The following OPCML variants were observed in gnomAD, a reference collection of about 807,000 sequenced individuals.
OPCML encodes opioid-binding protein/cell adhesion molecule.
Under a neutral mutation model 37.8 loss-of-function variants are expected in OPCML, and 13 were observed. The ratio of observed to expected loss-of-function variants is 0.34; its 90% CI spans 0.22 to 0.55. The LOEUF (loss-of-function observed/expected upper bound fraction) is 0.55, where lower values mean the gene tolerates loss of function less well. OPCML is among the 20% of genes least tolerant of loss of function. The pLI is 0.91. For synonymous variants in OPCML, 176 were observed against 168.8 expected, an observed-to-expected ratio of 1.04 and a Z score of -0.33; for missense variants, 341 against 435.6, an observed-to-expected ratio of 0.78 and a Z score of 1.93.
intron 2 of OPCML, among the ~76,000 whole-genome samples, chr11:132,885,556 C>T (rs762405770): frequency 2.0e-5 from 3 of 152,142 alleles, no homozygotes; most frequent in East Asian, 3.9e-4. Flanking sequence ...TTGTGAATGA[C>T]ACCTTGGACT....
At chr11:132,991,993 T>C (rs1265206658) in intron 1 of OPCML, among the ~76,000 whole-genome samples, 1 of 149,490 alleles carries the variant, frequency 6.7e-6, no homozygotes, top group East Asian at 2.0e-4. Context: ...CAAGGCAAAA[T>C]ACATTGTGGA....
intron 1 of OPCML, among the ~76,000 whole-genome samples, chr11:133,120,055 A>G (rs1949397110): frequency 6.6e-6 from 1 of 152,166 alleles, no homozygotes; most frequent in African/African-American, 2.4e-5. Flanking sequence ...CAAAGACAGC[A>G]GAATCACCAG....
chr11:133,138,897 T>C (rs906394657), intron 1 of OPCML, among the ~76,000 whole-genome samples: 1 of 152,142 alleles, frequency 6.6e-6, no homozygotes, highest in Non-Finnish European at 1.5e-5. Context: ...AAGTCTATTC[T>C]CCATTCATAA....
chr11:133,381,943 A>G (rs1944938933), intron 1 of OPCML, among the ~76,000 whole-genome samples: 4 of 152,202 alleles, frequency 2.6e-5, no homozygotes, highest in African/African-American at 7.2e-5. Flanking sequence ...CCAGCCTGGC[A>G]TGGGAGCCCA....
intron 2 of OPCML, among the ~76,000 whole-genome samples, chr11:132,937,959 T>C (rs1334665471): frequency 6.6e-6 from 1 of 151,864 alleles, no homozygotes; most frequent in Non-Finnish European, 1.5e-5. Flanking sequence ...ACTGCCATCA[T>C]TGGTGGATTC....
rs1158521510 is a variant in OPCML, at chr11:133,425,474, T to A, written c.61+106790A>T. On this transcript the variant is annotated intron_variant, in intron 1 of 7. Transcript: ENST00000524381. ...GCTTTGTCTTCATTATAGCATTCCA[T>A]CCCTACAACAGCCCTGTTAGTTGAG... Among the ~76,000 whole-genome samples the A allele has an allele frequency of 2.6e-5, 4 of 152,348 alleles. No individual in the cohort carries two copies. The South Asian group carries it at 6.2e-4, about 24-fold the overall frequency.
chr11:132,652,881 C>T (rs1198816384), intron 3 of OPCML, among the ~76,000 whole-genome samples: 1 of 152,212 alleles, frequency 6.6e-6, no homozygotes, highest in Non-Finnish European at 1.5e-5. Flanking sequence ...GTAGCAACAT[C>T]AATCTGCTTC....
At chr11:132,630,280 C>G (rs922247603) in intron 3 of OPCML, among the ~76,000 whole-genome samples, 2 of 152,140 alleles carry the variant, frequency 1.3e-5, no homozygotes, top group African/African-American at 4.8e-5. Context: ...AATGGTAGGA[C>G]TGGGCACCGT....
intron 1 of OPCML, among the ~76,000 whole-genome samples, chr11:133,431,679 G>C (rs900845008): frequency 3.3e-5 from 5 of 151,456 alleles, no homozygotes; most frequent in Admixed American, 6.6e-5. Flanking sequence ...TGGTCAGGCT[G>C]GTCTGGAACT....
intron 1 of OPCML, among the ~76,000 whole-genome samples, chr11:133,499,789 C>CAT (rs1488322101): frequency 1.1e-4 from 15 of 135,032 alleles, no homozygotes; most frequent in East Asian, 1.0e-3. Context: ...TATATATATA[C>CAT]ACATATATAT....
At chr11:132,790,893 A>G (rs1937863254) in intron 2 of OPCML, among the ~76,000 whole-genome samples, 1 of 152,244 alleles carries the variant, frequency 6.6e-6, no homozygotes, top group African/African-American at 2.4e-5. Flanking sequence ...AGGGAGAAAG[A>G]TTTCGATTTT....
chr11:133,463,965 A>C (rs1295559715), intron 1 of OPCML, among the ~76,000 whole-genome samples: 1 of 149,768 alleles, frequency 6.7e-6, no homozygotes, highest in African/African-American at 2.6e-5. Flanking sequence ...GTGTTCTATT[A>C]ATTCTTTTTT....
chr11:133,004,329 G>A, intron 1 of OPCML: 1 of 985,416 alleles, frequency 1.0e-6, no homozygotes, highest in Non-Finnish European at 1.2e-6. Context: ...TATTTTGTGG[G>A]TCCTTTGGAT....
chr11:132,971,974 A>G (rs928062163), intron 1 of OPCML, among the ~76,000 whole-genome samples: 6 of 152,148 alleles, frequency 3.9e-5, no homozygotes, highest in East Asian at 1.9e-4. Context: ...GCAAGCATCA[A>G]TGTGGAGTCA....
chr11:132,928,983 T>G (rs146035559), intron 2 of OPCML, among the ~76,000 whole-genome samples: 162 of 149,896 alleles, frequency 1.1e-3, no homozygotes, highest in Non-Finnish European at 1.7e-3. Flanking sequence ...TTCATAGCAC[T>G]AAACACTTAC....
At chr11:133,277,581 T>C (rs2136498567) in intron 1 of OPCML, among the ~76,000 whole-genome samples, 1 of 152,252 alleles carries the variant, frequency 6.6e-6, no homozygotes. Context: ...CATTCACCTT[T>C]AAGTCACCTT....
chr11:132,461,274 A>G (rs1195256813), intron 4 of OPCML, among the ~76,000 whole-genome samples: 1 of 152,084 alleles, frequency 6.6e-6, no homozygotes, highest in East Asian at 1.9e-4. Flanking sequence ...AAAGCAACCA[A>G]GCATATGGAG....
rs544425090 is a variant in OPCML, at chr11:133,395,147, T to C, written c.61+137117A>G. Among the ~76,000 whole-genome samples, 18 of 152,366 alleles carry C rather than the reference T, an allele frequency of 1.2e-4. No homozygotes were observed. The South Asian group carries it at 3.7e-3, about 32-fold the overall frequency. On this transcript the variant is annotated intron_variant, in intron 1 of 7. Coordinates refer to ENST00000524381, the MANE Select transcript of OPCML (RefSeq NM_001012393.5). ...CATTAAGGTTGAGCACCTTTTCATA[T>C]GCCTGTTTGCCATTTGTATGTCTTC...
intron 1 of OPCML, among the ~76,000 whole-genome samples, chr11:133,185,476 A>G (rs1938029279): frequency 6.6e-6 from 1 of 152,214 alleles, no homozygotes; most frequent in Admixed American, 6.5e-5. Context: ...GCCGTCTACA[A>G]TGCAACTCAT....
Sources: gnomAD v4.1 joint callset for allele counts (sites outside exome capture counted in the v4.1 genomes callset) on GRCh38, gnomAD v4.1.1 for gene constraint, MANE v1.5 for transcripts, NCBI Gene and HGNC (gene_info 2026-07-23, HGNC 2026-07-21) for gene names.